Variants in CDH8 observed in about 807,000 individuals in gnomAD.
CDH8 encodes the protein cadherin 8.
CDH8 carries 17 observed loss-of-function variants against 68.1 expected under a neutral mutation model. That is an observed-to-expected ratio of 0.25 (90% CI 0.17 to 0.37). CDH8 has a LOEUF of 0.37. Among genes scored for constraint, CDH8 ranks in the 10% least tolerant of loss-of-function variants. The probability of loss-of-function intolerance (pLI) is 1.00; values close to 1 mark genes in which losing one functional copy is unlikely to be tolerated. For missense variants in CDH8, 763 were observed against 999.3 expected, an observed-to-expected ratio of 0.76 and a Z score of 3.19; for synonymous variants, 372 against 365.1, an observed-to-expected ratio of 1.02 and a Z score of -0.21.
intron 9 of CDH8, among the ~76,000 whole-genome samples, chr16:61,720,122 A>T (rs1248395760): frequency 1.3e-5 from 2 of 150,962 alleles, no homozygotes; most frequent in Non-Finnish European, 3.0e-5. Context: ...AGTCTTTAAA[A>T]GATTGGAAGA....
At chr16:61,965,248 T>G (rs1965226653) in intron 2 of CDH8, among the ~76,000 whole-genome samples, 1 of 152,232 alleles carries the variant, frequency 6.6e-6, no homozygotes, top group Admixed American at 6.5e-5. Flanking sequence ...TGTTATTTTC[T>G]ATCAGCACCT....
chr16:62,003,085 C>T (rs968749190), intron 2 of CDH8, among the ~76,000 whole-genome samples: 1 of 152,074 alleles, frequency 6.6e-6, no homozygotes, highest in Non-Finnish European at 1.5e-5. Flanking sequence ...GGCACATAAT[C>T]ATCCCTTCGT....
chr16:61,768,398 T>TTC (rs530131371), intron 8 of CDH8, among the ~76,000 whole-genome samples: 1,530 of 35,152 alleles, frequency 0.044, 66 homozygotes, highest in East Asian at 0.054. Flanking sequence ...CTCTCTCCCT[T>TTC]TCTCTCTCTC....
chr16:61,841,285 C>T (rs1962678115), intron 4 of CDH8, among the ~76,000 whole-genome samples: 3 of 152,182 alleles, frequency 2.0e-5, no homozygotes, highest in Admixed American at 1.3e-4. Context: ...AACCTCCAAA[C>T]TGTTCTCCAT....
At chr16:61,701,764 TCTGA>T (rs1232152917) in intron 10 of CDH8, among the ~76,000 whole-genome samples, 2 of 152,222 alleles carry the variant, frequency 1.3e-5, no homozygotes, top group African/African-American at 2.4e-5. Flanking sequence ...CTCCAGGCCT[TCTGA>T]CTAACTTTCC....
In CDH8 at chr16:61,680,818, T is replaced by C. The variant is rs145433226; in HGVS notation, c.1655-25097A>G. Among the ~76,000 whole-genome samples the C allele has an allele frequency of 5.3e-5, 8 of 152,030 alleles. 1 individual carries two copies. The East Asian group carries it at 9.7e-4, about 18-fold the overall frequency. ...TCCTTTGTAGATTCTGCACCTAATA[T>C]AGCACCTAAGACAAAGCTGTATATT... On this transcript the variant is annotated intron_variant, in intron 10 of 11. Transcript: ENST00000577390.
At chr16:61,865,238 C>T (rs1344864) in intron 3 of CDH8, among the ~76,000 whole-genome samples, 82,898 of 152,010 alleles carry the variant, frequency 0.55, 25,230 homozygotes, top group African/African-American at 0.83. Flanking sequence ...GGACATAAAC[C>T]GGGGAAATAA....
chr16:61,888,822 C>T (rs535821642), intron 3 of CDH8, among the ~76,000 whole-genome samples: 20 of 152,238 alleles, frequency 1.3e-4, no homozygotes, highest in African/African-American at 4.8e-4. Flanking sequence ...ACTTTGTGAA[C>T]GTCCTCCCAC....
intron 2 of CDH8, among the ~76,000 whole-genome samples, chr16:61,957,614 A>G (rs1359337592): frequency 6.6e-6 from 1 of 152,194 alleles, no homozygotes; most frequent in East Asian, 1.9e-4. Flanking sequence ...ACAAACATAC[A>G]TATGCTCACA....
At chr16:61,801,519 G>C (rs1024440638) in intron 7 of CDH8, among the ~76,000 whole-genome samples, 1 of 152,194 alleles carries the variant, frequency 6.6e-6, no homozygotes, top group South Asian at 2.1e-4. Flanking sequence ...GAGCGACGCA[G>C]AAGACGGGTG....
intron 2 of CDH8, among the ~76,000 whole-genome samples, chr16:61,965,378 T>C (rs998028731): frequency 8.5e-5 from 13 of 152,166 alleles, no homozygotes; most frequent in Admixed American, 8.5e-4. Context: ...TGGGATCACG[T>C]CCACTGCTGA....
At chr16:61,992,987 G>A (rs371845975) in intron 2 of CDH8, among the ~76,000 whole-genome samples, 7 of 152,166 alleles carry the variant, frequency 4.6e-5, no homozygotes, top group South Asian at 2.1e-4. Context: ...GTCTCACTAC[G>A]TTTCTCAGGC....
chr16:61,672,806 T>A (rs1963824889), intron 10 of CDH8, among the ~76,000 whole-genome samples: 1 of 151,892 alleles, frequency 6.6e-6, no homozygotes, highest in Non-Finnish European at 1.5e-5. Flanking sequence ...TGAGGAAGAG[T>A]TCTCAGAATG....
At chr16:61,884,872 G>A (rs1351204620) in intron 3 of CDH8, among the ~76,000 whole-genome samples, 1 of 151,956 alleles carries the variant, frequency 6.6e-6, no homozygotes, top group Non-Finnish European at 1.5e-5. Context: ...ACTCTGCAAG[G>A]GGTTATAACC....
In CDH8 at chr16:61,650,103, G is replaced by T. The variant is rs1963287920; in HGVS notation, c.*3505C>A. 1 of 151,956 alleles carries T rather than the reference G, an allele frequency of 6.6e-6. No individual in the cohort carries two copies. 9.4% of individuals were successfully genotyped at this position (151,956 alleles called of 1,614,324 possible). A position where few individuals can be genotyped will look rare whatever the true frequency, so the allele number is the denominator to read the frequency against. On this transcript the variant is annotated 3_prime_UTR_variant, in exon 12 of 12. Coordinates refer to ENST00000577390, the MANE Select transcript of CDH8 (RefSeq NM_001796.5). ...ACCCTAGAAGTCATAATTCTGTGTG[G>T]CAAGGTTAACACTTGAATTTAAAAA...
intron 2 of CDH8, among the ~76,000 whole-genome samples, chr16:61,923,830 G>A (rs929449827): frequency 2.7e-5 from 4 of 146,692 alleles, no homozygotes; most frequent in African/African-American, 9.9e-5. Context: ...TTATATATGT[G>A]ATGTATATAT....
At chr16:61,692,969 A>T (rs1964260046) in intron 10 of CDH8, 1 of 152,198 alleles carries the variant, frequency 6.6e-6, no homozygotes, top group Non-Finnish European at 1.5e-5. Context: ...TGCCTACGAT[A>T]ACATGACAAA....
At chr16:61,746,510 TG>T (rs1261575391) in intron 8 of CDH8, among the ~76,000 whole-genome samples, 4 of 151,256 alleles carry the variant, frequency 2.6e-5, no homozygotes, top group Admixed American at 1.3e-4. Context: ...GTTTGTCTGA[TG>T]TAAGTTACCA....
At chr16:61,665,658 C>CTT (rs1476532945) in intron 10 of CDH8, among the ~76,000 whole-genome samples, 1 of 151,788 alleles carries the variant, frequency 6.6e-6, no homozygotes, top group Admixed American at 6.6e-5. Flanking sequence ...TATCCCAGAA[C>CTT]TTTAAGTTTA....
Sources: allele counts gnomAD v4.1 joint callset (sites outside exome capture counted in the v4.1 genomes callset), GRCh38; gene constraint gnomAD v4.1.1; transcripts MANE v1.5; gene names NCBI Gene and HGNC (gene_info 2026-07-23, HGNC 2026-07-21).